HFM1: variants seen among roughly 807,000 people sequenced by gnomAD.
The protein encoded by HFM1 is probable ATP-dependent DNA helicase HFM1.
In HFM1, 169 loss-of-function variants were observed where a neutral mutation model predicts 192.1. The ratio of observed to expected loss-of-function variants is 0.88; its 90% CI spans 0.78 to 1.00. HFM1 has a LOEUF of 1.00. HFM1 is among the 50% of genes least tolerant of loss of function. The pLI is 0.00. For missense variants in HFM1, 1,661 were observed against 1,668.0 expected (o/e 1.00, Z 0.07); for synonymous variants, 525 against 537.8 (o/e 0.98, Z 0.33).
At chr1:91,365,208 G>A (rs909880088) in intron 13 of HFM1, among the ~76,000 whole-genome samples, 21 of 152,064 alleles carry the variant, frequency 1.4e-4, no homozygotes, top group African/African-American at 3.4e-4. Flanking sequence ...GGGTGGGAAC[G>A]GGGGAAGAAA....
At chr1:91,391,818 A>G (rs1389310041) in intron 4 of HFM1, among the ~76,000 whole-genome samples, 1 of 151,386 alleles carries the variant, frequency 6.6e-6, no homozygotes, top group East Asian at 2.0e-4. Flanking sequence ...CAGGCAACCA[A>G]TGGGAGAAAA....
intron 1 of HFM1, among the ~76,000 whole-genome samples, chr1:91,403,322 TTC>T (rs1436574684): frequency 6.6e-6 from 1 of 152,166 alleles, no homozygotes; most frequent in African/African-American, 2.4e-5. Flanking sequence ...AAAAATAATT[TTC>T]TGTTAATTTA....
At chr1:91,386,416 T>C (rs970840987) in intron 4 of HFM1, among the ~76,000 whole-genome samples, 1 of 152,232 alleles carries the variant, frequency 6.6e-6, no homozygotes, top group East Asian at 1.9e-4. Flanking sequence ...GACTGCAGCA[T>C]GGCTAACATT....
chr1:91,362,293 G>A (rs1015272927), intron 13 of HFM1, among the ~76,000 whole-genome samples: 3 of 151,968 alleles, frequency 2.0e-5, no homozygotes, highest in East Asian at 1.9e-4. Flanking sequence ...TTTAGAAAAC[G>A]TCATCTTCTC....
rs145754893 is a variant in HFM1, at chr1:91,287,570, CAG to C, written c.3392-10510_3392-10509del. The stretch of plus-strand genomic sequence containing the variant: ...TAAAACCACAAAGATAGGGAAAAAA[CAG>C]AGCAGAAAAACTGGAAACTAAAAAG... On this transcript the variant is annotated intron_variant, in intron 30 of 38. Transcript: ENST00000370425. Among the ~76,000 whole-genome samples the C allele has an allele frequency of 4.9e-3, 750 of 152,278 alleles. 1 individual carries two copies. Among genetic ancestry groups the C allele is most frequent in the Non-Finnish European group, 8.2e-3 (556 of 68,032 alleles).
chr1:91,286,417 A>G (rs1378109010), intron 30 of HFM1, among the ~76,000 whole-genome samples: 1 of 152,158 alleles, frequency 6.6e-6, no homozygotes, highest in Non-Finnish European at 1.5e-5. Context: ...TGATAGCTCT[A>G]GACATTTCTT....
chr1:91,374,268 G>A (rs1002835714), intron 13 of HFM1, among the ~76,000 whole-genome samples: 1 of 151,748 alleles, frequency 6.6e-6, no homozygotes, highest in African/African-American at 2.4e-5. Context: ...ACATTACATG[G>A]GCTACTGCAG....
intron 13 of HFM1, among the ~76,000 whole-genome samples, chr1:91,364,481 G>A (rs570909282): frequency 2.0e-5 from 3 of 151,052 alleles, no homozygotes; most frequent in African/African-American, 7.3e-5. Flanking sequence ...AAAGATATCT[G>A]CACTCCCATG....
chr1:91,300,506 C>T (rs555030570), intron 30 of HFM1, among the ~76,000 whole-genome samples: 212 of 152,226 alleles, frequency 1.4e-3, no homozygotes, highest in Non-Finnish European at 2.4e-3. Context: ...GACCAATATC[C>T]CTGATGAACA....
At chr1:91,308,592 C>T (rs1358163202) in intron 30 of HFM1, among the ~76,000 whole-genome samples, 1 of 152,024 alleles carries the variant, frequency 6.6e-6, no homozygotes, top group African/African-American at 2.4e-5. Flanking sequence ...GTGGTAAATT[C>T]ACAGACATGA....
At chr1:91,336,954 G>A (rs571845719) in intron 20 of HFM1, among the ~76,000 whole-genome samples, 5 of 152,294 alleles carry the variant, frequency 3.3e-5, no homozygotes, top group Admixed American at 1.3e-4. Flanking sequence ...GCTGGAAGCC[G>A]TTATCCTCAG....
intron 30 of HFM1, among the ~76,000 whole-genome samples, chr1:91,281,827 C>T (rs181103235): frequency 9.8e-5 from 15 of 152,294 alleles, no homozygotes; most frequent in Non-Finnish European, 1.8e-4. Context: ...CTTGGGCGCA[C>T]GCACTCCTGC....
chr1:91,366,796 A>C (rs1557460202), intron 13 of HFM1, among the ~76,000 whole-genome samples: 1 of 152,196 alleles, frequency 6.6e-6, no homozygotes, highest in Non-Finnish European at 1.5e-5. Flanking sequence ...GCTTGAGCTG[A>C]AGCAGGGCGA....
rs571773077 is a variant in HFM1, at chr1:91,284,351, C to T, written c.3392-7289G>A. Among the ~76,000 whole-genome samples, 13 of 152,108 alleles carry T rather than the reference C, an allele frequency of 8.5e-5. No homozygotes were observed. In the South Asian group the frequency reaches 2.7e-3, roughly 32 times the overall value. On this transcript the variant is annotated intron_variant, in intron 30 of 38. Transcript: ENST00000370425. ...CTCCGCCCAAGGCTCAAGTGATTCA[C>T]CTGCCTCAGCCTCCCGAGTAGCTCG... is the stretch of plus-strand genomic sequence containing the variant.
At chr1:91,300,733 AACC>A (rs1016491240) in intron 30 of HFM1, among the ~76,000 whole-genome samples, 7 of 152,186 alleles carry the variant, frequency 4.6e-5, no homozygotes, top group African/African-American at 1.7e-4. Flanking sequence ...AAAATTCAAC[AACC>A]CTTCATGCTA....
upstream of HFM1, among the ~76,000 whole-genome samples, chr1:91,407,838 G>C (rs553002262): frequency 6.6e-6 from 1 of 152,330 alleles, no homozygotes; most frequent in South Asian, 2.1e-4. Flanking sequence ...AGTTCTAGCT[G>C]ATGTATCCAA....
chr1:91,389,645 C>G (rs1662687511), intron 4 of HFM1, among the ~76,000 whole-genome samples: 1 of 152,074 alleles, frequency 6.6e-6, no homozygotes, highest in Non-Finnish European at 1.5e-5. Context: ...TGACTTCCAG[C>G]CTCCAGAATC....
chr1:91,330,429 T>A (rs1352686838), intron 20 of HFM1, among the ~76,000 whole-genome samples: 1 of 151,994 alleles, frequency 6.6e-6, no homozygotes, highest in Non-Finnish European at 1.5e-5. Context: ...CCTAGACACA[T>A]ACAACCTACT....
intron 1 of HFM1, 32 bp downstream of exon 1, chr1:91,404,766 T>C: frequency 2.3e-6 from 1 of 441,158 alleles, no homozygotes; most frequent in Non-Finnish European, 4.5e-6. Flanking sequence ...CGTCCCCACC[T>C]TCCCCGCGGG....
Sources: allele counts gnomAD v4.1 joint callset (sites outside exome capture counted in the v4.1 genomes callset), GRCh38; gene constraint gnomAD v4.1.1; transcripts MANE v1.5; gene names NCBI Gene and HGNC (gene_info 2026-07-23, HGNC 2026-07-21).